TFDP1: variants seen among roughly 807,000 people sequenced by gnomAD.
TFDP1 encodes DRTF1-polypeptide 1.
In TFDP1, 6 loss-of-function variants were observed where a neutral mutation model predicts 48.0. The observed-to-expected ratio is 0.13, with a 90% CI of 0.07 to 0.25. TFDP1 has a LOEUF of 0.25. Ranked by LOEUF, TFDP1 falls within the 10% of genes least tolerant of loss-of-function variation. The probability of loss-of-function intolerance (pLI) is 1.00; values close to 1 mark genes in which losing one functional copy is unlikely to be tolerated. For missense variants in TFDP1, 335 were observed against 543.0 expected, an observed-to-expected ratio of 0.62 and a Z score of 3.81; for synonymous variants, 201 against 211.6, an observed-to-expected ratio of 0.95 and a Z score of 0.44.
chr13:113,634,887 G>A (rs1291764864), intron 8 of TFDP1, among the ~76,000 whole-genome samples: 1 of 152,068 alleles, frequency 6.6e-6, no homozygotes, highest in African/African-American at 2.4e-5. Context: ...GCGTGTGCAT[G>A]TGTGTGCGTG....
chr13:113,586,470 C>T (rs536363397), intron 2 of TFDP1, among the ~76,000 whole-genome samples: 12 of 152,294 alleles, frequency 7.9e-5, no homozygotes, highest in African/African-American at 2.6e-4. Flanking sequence ...GAAATTTAGT[C>T]TATTTTATTG....
chr13:113,626,521 C>G (rs1466603745), intron 4 of TFDP1, among the ~76,000 whole-genome samples: 1 of 151,854 alleles, frequency 6.6e-6, no homozygotes, highest in Non-Finnish European at 1.5e-5. Flanking sequence ...CGCCCCGCTT[C>G]CCCGCAGCCC....
At position 113,623,713 on chromosome 13, in the gene TFDP1, C is replaced by T. The variant is rs562495063; in HGVS notation, c.186+427C>T. On this transcript the variant is annotated intron_variant, in intron 4 of 11. Coordinates refer to ENST00000375370, the MANE Select transcript of TFDP1 (RefSeq NM_007111.5). The surrounding 1 kb of genome is among the most constrained non-coding windows in gnomAD (Gnocchi z 5.2). ...AGCCAGAGAGGGATAGGGCCCTGGC[C>T]GTGGCTGTGCGTTTGCCCCGGGGCA... Among the ~76,000 whole-genome samples, 71 of 152,330 alleles carry T rather than the reference C, an allele frequency of 4.7e-4. No homozygotes were observed. Among genetic ancestry groups the T allele is most frequent in the African/African-American group, 1.5e-3 (61 of 41,574 alleles).
chr13:113,596,013 C>T (rs1443639491), intron 2 of TFDP1, among the ~76,000 whole-genome samples: 2 of 152,100 alleles, frequency 1.3e-5, no homozygotes, highest in African/African-American at 2.4e-5. Context: ...ACCCAGGAGG[C>T]GGAGCTTGCA....
Position 113,598,544 on chromosome 13 carries a change from C to G in TFDP1, c.13-12452C>G, listed in dbSNP as rs1212459431. On this transcript the variant is annotated intron_variant, in intron 2 of 11. Coordinates refer to ENST00000375370, the MANE Select transcript of TFDP1 (RefSeq NM_007111.5). This position sits in a 1 kb window ranked among gnomAD's most constrained non-coding sequence, Gnocchi z 4.2. ...TGAAGGTTCTGGTGCCCCCGAAGCA[C>G]AGCCCCACCTCCCTAACCTGCCCTC... Among the ~76,000 whole-genome samples, 1 of 152,164 alleles carries G rather than the reference C, an allele frequency of 6.6e-6. No individual in the cohort carries two copies. The highest frequency in any genetic ancestry group is 1.5e-5 in the Non-Finnish European group (1 of 68,030).
chr13:113,619,585 T>G (rs1290448751), intron 3 of TFDP1, among the ~76,000 whole-genome samples: 2 of 151,802 alleles, frequency 1.3e-5, no homozygotes, highest in Non-Finnish European at 2.9e-5. Flanking sequence ...GGGTCTGAGA[T>G]GTATTCAGGG....
At chr13:113,631,546 A>G (rs2049337300) in intron 4 of TFDP1, 77 bp from the exon 5 acceptor site, 3 of 1,521,204 alleles carry the variant, frequency 2.0e-6, no homozygotes, top group Non-Finnish European at 2.6e-6. Flanking sequence ...GGCTGCGGAT[A>G]GCGAACAGAT....
chr13:113,599,125 C>T (rs914479454), intron 2 of TFDP1, among the ~76,000 whole-genome samples: 6 of 151,540 alleles, frequency 4.0e-5, no homozygotes, highest in African/African-American at 1.5e-4. Flanking sequence ...AATGAACTCA[C>T]ATGTTTTGTT....
At chr13:113,634,656 C>T (rs4150792) in intron 8 of TFDP1, 54 bp downstream of exon 8, 555,233 of 1,410,712 alleles carry the variant, frequency 0.39, 116,421 homozygotes, top group African/African-American at 0.77. Context: ...ACTAATTTAG[C>T]TTTATAACGG....
intron 2 of TFDP1, among the ~76,000 whole-genome samples, chr13:113,599,435 T>C (rs1024910041): frequency 1.3e-5 from 2 of 152,228 alleles, no homozygotes; most frequent in East Asian, 3.8e-4. Flanking sequence ...TTTGTTTGCA[T>C]TGGAGCCTCG....
At chr13:113,628,112 A>G (rs2049232925) in intron 4 of TFDP1, among the ~76,000 whole-genome samples, 1 of 152,118 alleles carries the variant, frequency 6.6e-6, no homozygotes, top group African/African-American at 2.4e-5. Context: ...GGAGCCGTGT[A>G]AAGACTGTGT....
At chr13:113,630,576 C>T (rs971532042) in intron 4 of TFDP1, among the ~76,000 whole-genome samples, 10 of 152,294 alleles carry the variant, frequency 6.6e-5, no homozygotes, top group Non-Finnish European at 8.8e-5. Flanking sequence ...ATCCCTTTAA[C>T]GGAAACTGCA....
intron 3 of TFDP1, among the ~76,000 whole-genome samples, chr13:113,617,577 C>T (rs560282169): frequency 2.0e-5 from 3 of 151,048 alleles, no homozygotes; most frequent in Admixed American, 1.3e-4. Context: ...CCTGCAGAGC[C>T]GCTCACCTGC....
At chr13:113,609,975 T>C (rs4150719) in intron 2 of TFDP1, among the ~76,000 whole-genome samples, 7,744 of 152,326 alleles carry the variant, frequency 0.051, 525 homozygotes, top group African/African-American at 0.15. Flanking sequence ...GAGCCCGGCC[T>C]CTGGGGACTG....
chr13:113,595,108 T>TG (rs1222392231), intron 2 of TFDP1, among the ~76,000 whole-genome samples: 1 of 152,252 alleles, frequency 6.6e-6, no homozygotes, highest in Non-Finnish European at 1.5e-5. Flanking sequence ...TGTATGTTTT[T>TG]GGTACGTTGG....
At position 113,637,832 on chromosome 13, in the gene TFDP1, A is replaced by C. The variant is rs755041079; in HGVS notation, c.1021A>C (p.Thr341Pro). The C allele has an allele frequency of 6.2e-7, 1 of 1,614,174 alleles. No individual in the cohort carries two copies. Among genetic ancestry groups the C allele is most frequent in the Admixed American group, 1.7e-5 (1 of 60,028 alleles). ...TCCCTTTTCAGAAATGGCTCAGGGA[A>C]CTGTTGGAGGCGTGTTCATCACGAC... ...EPYVTEMAQG[T>P]VGGVFITTAG... is the part of the protein sequence containing the mutation. The change falls in exon 11 of 12, where the codon ACT (threonine) becomes CCT (proline). Residue 341 changes from threonine (T) to proline (P), a missense_variant. Physicochemically the swap from Thr to Pro is conservative, Grantham distance 38. Transcript: ENST00000375370.
At chr13:113,606,887 G>C (rs556758058) in intron 2 of TFDP1, among the ~76,000 whole-genome samples, 1 of 152,136 alleles carries the variant, frequency 6.6e-6, no homozygotes, top group African/African-American at 2.4e-5. Context: ...GGAACCCACC[G>C]TGTGGTTTCC....
intron 2 of TFDP1, among the ~76,000 whole-genome samples, chr13:113,605,856 G>A (rs1336165797): frequency 7.0e-6 from 1 of 143,688 alleles, no homozygotes; most frequent in Admixed American, 6.7e-5. Flanking sequence ...GTGAGTGTCC[G>A]CAGGGGATCC....
chr13:113,638,008 A>T, intron 11 of TFDP1, 112 bp downstream of exon 11: 2 of 1,421,618 alleles, frequency 1.4e-6, no homozygotes, highest in Non-Finnish European at 1.9e-6. Flanking sequence ...GGCTGCTCTG[A>T]CGTGGCTTGT....
Sources: gnomAD v4.1 joint callset for allele counts (sites outside exome capture counted in the v4.1 genomes callset) on GRCh38, gnomAD v4.1.1 for gene constraint, Gnocchi (gnomAD v3.1) non-coding constraint, MANE v1.5 for transcripts, NCBI Gene and HGNC (gene_info 2026-07-23, HGNC 2026-07-21) for gene names.